The following ZNF608 variants were observed in gnomAD, a reference collection of about 807,000 sequenced individuals.
ZNF608 encodes the protein renal carcinoma antigen NY-REN-36.
ZNF608 carries 12 observed loss-of-function variants against 109.0 expected under a neutral mutation model. The ratio of observed to expected loss-of-function variants is 0.11; its 90% CI spans 0.07 to 0.18. ZNF608 has a LOEUF of 0.18. Ranked by LOEUF, ZNF608 falls within the 10% of genes least tolerant of loss-of-function variation. The pLI, the probability that ZNF608 is intolerant of heterozygous loss-of-function variation, is 1.00. For synonymous variants in ZNF608, 732 were observed against 717.4 expected, an observed-to-expected ratio of 1.02 and a Z score of -0.33; for missense variants, 1,707 against 1,879.3, an observed-to-expected ratio of 0.91 and a Z score of 1.70.
At chr5:124,707,729 C>T (rs1753318063) in intron 2 of ZNF608, 1 of 152,316 alleles carries the variant, frequency 6.6e-6, no homozygotes, top group Non-Finnish European at 1.5e-5. Context: ...TTTAACCACC[C>T]TTTTTCTGCC....
At position 124,693,972 on chromosome 5, in the gene ZNF608, A is replaced by ATGTTTTTTTTTTTT. The variant is rs1561564262; in HGVS notation, c.1162+7041_1162+7042insAAAAAAAAAAAACA. 8.6e-4 allele frequency among the ~76,000 whole-genome samples: 20 copies of ATGTTTTTTTTTTTT among 23,312 alleles called. 1 individual carries two copies. Among genetic ancestry groups the ATGTTTTTTTTTTTT allele is most frequent in the African/African-American group, 4.4e-3 (19 of 4,312 alleles). The allele number at this position is 23,312 out of a possible 152,430, so 15.3% of individuals were successfully genotyped here. On this transcript the variant is annotated intron_variant, in intron 3 of 9. Transcript: ENST00000513986. ...CTGTGAAGCTGGTAACATTTCATTA[A>ATGTTTTTTTTTTTT]TCTTTTTTTTTTTTTTTTTTTGAGA...
Position 124,641,289 on chromosome 5 carries a change from A to G in ZNF608, c.4413T>C (p.Gly1471=). The change falls in exon 8 of 10, where the codon GGT becomes GGC. Residue 1471 remains glycine, a synonymous_variant. Coordinates refer to ENST00000513986, the MANE Select transcript of ZNF608 (RefSeq NM_020747.3). ...HTHHHTHVGM[G]YPLIPGQYDP... Reference sequence around the variant, plus strand: ...CATATTGACCCGGGATTAGCGGGTAACCCATGCCAACGTGGGTGTGGTGGT... The same window carrying G: ...CATATTGACCCGGGATTAGCGGGTAGCCCATGCCAACGTGGGTGTGGTGGT... 6.2e-7 allele frequency: 1 copy of G among 1,613,924 alleles called. No individual in the cohort carries two copies. Among genetic ancestry groups the G allele is most frequent in the African/African-American group, 1.3e-5 (1 of 75,038 alleles).
At chr5:124,689,988 G>C (rs1752549350) in intron 3 of ZNF608, among the ~76,000 whole-genome samples, 1 of 152,154 alleles carries the variant, frequency 6.6e-6, no homozygotes, top group Admixed American at 6.5e-5. Flanking sequence ...TCTTTCAGGA[G>C]TGAATGGACA....
At chr5:124,669,100 C>T (rs1022101575) in intron 3 of ZNF608, among the ~76,000 whole-genome samples, 11 of 151,954 alleles carry the variant, frequency 7.2e-5, no homozygotes, top group Admixed American at 1.3e-4. Flanking sequence ...AAAAAAAAAT[C>T]GGATGGAGCA....
chr5:124,721,716 G>A (rs1033818924), intron 2 of ZNF608, among the ~76,000 whole-genome samples: 34 of 151,738 alleles, frequency 2.2e-4, no homozygotes, highest in African/African-American at 8.2e-4. Flanking sequence ...CGGGTGGATC[G>A]TCTGAGGTCA....
Position 124,641,372 on chromosome 5 carries a change from C to T in ZNF608, c.4330G>A (p.Glu1444Lys), listed in dbSNP as rs745671387. Residue 1444 changes from glutamate (E) to lysine (K), a missense_variant, in exon 8 of 10, where the codon GAG becomes AAG. By Grantham distance (56) the Glu-to-Lys change is moderately conservative (BLOSUM62 1). Around this residue, in one of 7 missense-constraint regions of ZNF608, gnomAD observed 1,073 missense variants for 1,133.5 expected, o/e 0.95. Transcript: ENST00000513986. ...TGGCGATCCCTTTCCCTTTCTGCCTCCCGTTCCCGCTCAGCTGTAGCCTTT... is the reference window on the plus strand; with the variant it reads ...TGGCGATCCCTTTCCCTTTCTGCCTTCCGTTCCCGCTCAGCTGTAGCCTTT... ...VEKATAERER[E>K]AERERDRHSP... 6 of 1,613,902 alleles carry T rather than the reference C, an allele frequency of 3.7e-6. No individual in the cohort carries two copies. The highest frequency in any genetic ancestry group is 1.7e-5 in the Admixed American group (1 of 59,978).
chr5:124,697,420 G>A (rs4621556), intron 3 of ZNF608, among the ~76,000 whole-genome samples: 91,810 of 151,874 alleles, frequency 0.6, 28,445 homozygotes, highest in East Asian at 0.85. Flanking sequence ...ACAGAGGCAT[G>A]TGTGTCCCAA....
chr5:124,652,079 C>T (rs1037270833), intron 3 of ZNF608, among the ~76,000 whole-genome samples: 2 of 152,258 alleles, frequency 1.3e-5, no homozygotes, highest in African/African-American at 4.8e-5. Flanking sequence ...TCAAGGGAAA[C>T]CTGGAGTCTG....
chr5:124,638,357 A>G (rs1023977722), intron 9 of ZNF608, among the ~76,000 whole-genome samples: 1 of 152,048 alleles, frequency 6.6e-6, no homozygotes, highest in African/African-American at 2.4e-5. Flanking sequence ...CCTGGGTTCC[A>G]GCAATTCTCA....
At chr5:124,734,890 T>C (rs1749073991) in intron 2 of ZNF608, 1 of 152,236 alleles carries the variant, frequency 6.6e-6, no homozygotes, top group Non-Finnish European at 1.5e-5. Context: ...CCTTGTTTTA[T>C]TTTAGAAATA....
At chr5:124,702,841 C>T (rs1753109011) in intron 2 of ZNF608, among the ~76,000 whole-genome samples, 1 of 152,156 alleles carries the variant, frequency 6.6e-6, no homozygotes, top group South Asian at 2.1e-4. Context: ...ATTTAACAGC[C>T]CCAAACCCCA....
At chr5:124,676,661 T>C (rs958166903) in intron 3 of ZNF608, among the ~76,000 whole-genome samples, 5 of 152,102 alleles carry the variant, frequency 3.3e-5, no homozygotes, top group Non-Finnish European at 1.5e-5. Context: ...GTGTGTGAAA[T>C]AGTAAAGAAC....
intron 2 of ZNF608, among the ~76,000 whole-genome samples, chr5:124,720,863 T>C (rs1753876121): frequency 1.4e-5 from 2 of 138,856 alleles, no homozygotes; most frequent in South Asian, 5.2e-4. Flanking sequence ...ATTAAATCAT[T>C]AACTTGGTTT....
At chr5:124,641,466 T>G (rs1180017370) in intron 7 of ZNF608, 61 bp from the exon 8 acceptor site, 37 of 1,514,098 alleles carry the variant, frequency 2.4e-5, no homozygotes, top group Non-Finnish European at 3.6e-6. Flanking sequence ...TTAAGAGTAC[T>G]AAACCACCTT....
intron 3 of ZNF608, among the ~76,000 whole-genome samples, chr5:124,684,344 C>G (rs1049093174): frequency 6.6e-6 from 1 of 152,166 alleles, no homozygotes; most frequent in Non-Finnish European, 1.5e-5. Flanking sequence ...CACCCCTTCA[C>G]TGTACACATG....
chr5:124,722,576 T>TACACAC (rs10556672), intron 2 of ZNF608, among the ~76,000 whole-genome samples: 109 of 145,082 alleles, frequency 7.5e-4, no homozygotes, highest in East Asian at 1.9e-3. Flanking sequence ...ACCCTTAAAA[T>TACACAC]ACACACACAC....
intron 3 of ZNF608, among the ~76,000 whole-genome samples, chr5:124,678,742 C>G (rs1752071130): frequency 6.6e-6 from 1 of 152,184 alleles, no homozygotes. Flanking sequence ...AAAGCTTTCC[C>G]TCTGATTCTT....
chr5:124,709,209 G>A (rs912024349), intron 2 of ZNF608, among the ~76,000 whole-genome samples: 1 of 140,752 alleles, frequency 7.1e-6, no homozygotes, highest in Non-Finnish European at 1.5e-5. Context: ...TCTGGGTTCT[G>A]CATGGTACTG....
chr5:124,737,447 G>A (rs972406124), intron 2 of ZNF608, among the ~76,000 whole-genome samples: 1 of 152,158 alleles, frequency 6.6e-6, no homozygotes, highest in African/African-American at 2.4e-5. Context: ...AGAAGTATTT[G>A]TTCATCATTT....
Sources: gnomAD v4.1 joint callset for allele counts (sites outside exome capture counted in the v4.1 genomes callset) on GRCh38, gnomAD v4.1.1 for gene constraint, gnomAD v4.1.1 regional missense constraint, MANE v1.5 for transcripts, NCBI Gene and HGNC (gene_info 2026-07-23, HGNC 2026-07-21) for gene names.